DNAJC10: variants seen among roughly 807,000 people sequenced by gnomAD.
The protein encoded by DNAJC10 is DnaJ heat shock protein family (Hsp40) member C10.
Under a neutral mutation model 115.0 loss-of-function variants are expected in DNAJC10, and 101 were observed. The observed-to-expected ratio is 0.88, with a 90% CI of 0.75 to 1.04. The LOEUF is 1.04. DNAJC10 is among the 50% of genes least tolerant of loss of function. The pLI is 0.00. For missense variants in DNAJC10, 981 were observed against 928.8 expected (o/e 1.06, Z -0.73); for synonymous variants, 307 against 301.5 (o/e 1.02, Z -0.19).
intron 22 of DNAJC10, among the ~76,000 whole-genome samples, chr2:182,774,821 C>G (rs1356486406): frequency 6.6e-6 from 1 of 152,226 alleles, no homozygotes; most frequent in South Asian, 2.1e-4. Context: ...GACAACACCC[C>G]CCCCAATCCC....
intron 17 of DNAJC10, among the ~76,000 whole-genome samples, chr2:182,755,417 T>G (rs977139816): frequency 5.3e-5 from 8 of 150,914 alleles, no homozygotes; most frequent in African/African-American, 2.0e-4. Flanking sequence ...TGAAAACAAG[T>G]GTCTGGCATC....
intron 8 of DNAJC10, chr2:182,730,660 CTG>C: frequency 2.5e-6 from 1 of 394,470 alleles, no homozygotes; most frequent in Non-Finnish European, 4.9e-6. Context: ...TAGGAGATCA[CTG>C]TGTATTTGGG....
rs760578263 is a variant in DNAJC10, at chr2:182,780,112, C to CAT, written c.*2984_*2985dup. 3 of 152,094 alleles carry CAT rather than the reference C, an allele frequency of 2.0e-5. No individual in the cohort carries two copies. Among genetic ancestry groups the CAT allele is most frequent in the Non-Finnish European group, 4.4e-5 (3 of 68,028 alleles). 9.4% of individuals were successfully genotyped at this position (152,094 alleles called of 1,614,324 possible). On this transcript the variant is annotated 3_prime_UTR_variant, in exon 24 of 24. Coordinates refer to ENST00000264065, the MANE Select transcript of DNAJC10 (RefSeq NM_018981.4). Reference sequence around the variant, plus strand: ...CTTTCTGATAATATTCTACTTTACACATATACTGAAAACTTACTTACATAT... The same window carrying CAT: ...CTTTCTGATAATATTCTACTTTACACATATATACTGAAAACTTACTTACATAT...
chr2:182,716,865 G>C (rs994044582), intron 1 of DNAJC10, among the ~76,000 whole-genome samples, 151 bp from the exon 2 acceptor site: 12 of 152,160 alleles, frequency 7.9e-5, no homozygotes, highest in African/African-American at 2.7e-4. Context: ...CTCGGGCCAC[G>C]GGCAGTTCGG....
In DNAJC10 at chr2:182,750,931, C is replaced by T. The variant is rs539891116; in HGVS notation, c.1307-727C>T. ...GACTGTATTGTGTTTGACGTGTTTA[C>T]GTGATATCCAAGTACAGTTTTTCAC... On this transcript the variant is annotated intron_variant, in intron 14 of 23. Transcript: ENST00000264065. Among the ~76,000 whole-genome samples, 20 of 152,112 alleles carry T rather than the reference C, an allele frequency of 1.3e-4. No homozygotes were observed. The South Asian group carries it at 3.7e-3, about 28-fold the overall frequency.
intron 11 of DNAJC10, among the ~76,000 whole-genome samples, chr2:182,738,992 T>C (rs1403338965): frequency 6.6e-6 from 1 of 151,972 alleles, no homozygotes; most frequent in East Asian, 1.9e-4. Context: ...TCTAGTAGAT[T>C]AAGCACTGCA....
At chr2:182,731,995 C>T (rs1363645361) in intron 9 of DNAJC10, among the ~76,000 whole-genome samples, 2 of 152,090 alleles carry the variant, frequency 1.3e-5, no homozygotes, top group African/African-American at 2.4e-5. Flanking sequence ...TCTTTGTAGG[C>T]TCTGTGATGC....
chr2:182,769,018 C>A (rs1034787491), intron 22 of DNAJC10, among the ~76,000 whole-genome samples: 1 of 152,050 alleles, frequency 6.6e-6, no homozygotes, highest in African/African-American at 2.4e-5. Context: ...ATGTTCCCCC[C>A]ACTGTGTCCA....
chr2:182,730,743 A>G (rs1272857001), intron 8 of DNAJC10, among the ~76,000 whole-genome samples: 3 of 152,116 alleles, frequency 2.0e-5, no homozygotes, highest in East Asian at 3.8e-4. Context: ...GAAATATAAT[A>G]TAGCTGGCTA....
chr2:182,794,443 A>T lies in DNAJC10; in HGVS notation c.*17311A>T, dbSNP rs1363506967. On this transcript the variant is annotated 3_prime_UTR_variant, in exon 24 of 24. Coordinates refer to ENST00000264065, the MANE Select transcript of DNAJC10 (RefSeq NM_018981.4). ...TTTTTATAACATGTAGAAGTGAAAT[A>T]AACTTGTCACAAAAATGCAAATTGT... 6.6e-6 allele frequency: 1 copy of T among 152,202 alleles called. No individual in the cohort carries two copies. Among genetic ancestry groups the T allele is most frequent in the Non-Finnish European group, 1.5e-5 (1 of 68,038 alleles). 9.4% of individuals were successfully genotyped at this position (152,202 alleles called of 1,614,324 possible).
At chr2:182,738,537 G>GT (rs1402788684) in intron 11 of DNAJC10, among the ~76,000 whole-genome samples, 38 of 151,110 alleles carry the variant, frequency 2.5e-4, no homozygotes, top group Admixed American at 9.2e-4. Flanking sequence ...AAGCAGTCAG[G>GT]TTTTTTTTGG....
At chr2:182,764,285 G>T (rs1436824556) in intron 22 of DNAJC10, among the ~76,000 whole-genome samples, 3 of 152,102 alleles carry the variant, frequency 2.0e-5, no homozygotes, top group African/African-American at 4.8e-5. Flanking sequence ...TGAAATTCAT[G>T]GGTTACATTA....
chr2:182,776,671 G>A (rs74620010), intron 23 of DNAJC10, among the ~76,000 whole-genome samples: 5,407 of 152,188 alleles, frequency 0.036, 221 homozygotes, highest in African/African-American at 0.1. Flanking sequence ...TATTTTTTAC[G>A]AATCTGAAAG....
At chr2:182,729,964 CT>C (rs1693400165) in intron 8 of DNAJC10, 23 bp downstream of exon 8, 1 of 1,495,408 alleles carries the variant, frequency 6.7e-7, no homozygotes, top group African/African-American at 1.4e-5. Flanking sequence ...TCTTAATTTG[CT>C]TGATTTTCAG....
At chr2:182,774,848 C>T (rs1031837465) in intron 22 of DNAJC10, among the ~76,000 whole-genome samples, 3 of 152,212 alleles carry the variant, frequency 2.0e-5, no homozygotes, top group South Asian at 2.1e-4. Flanking sequence ...GGCGTCTTCT[C>T]GCCCTCTGTG....
rs1022124422 is a variant in DNAJC10 at position 182,777,298 on chromosome 2, A to G, written c.*166A>G. ...GCACTGGTGTAAAAGAAGGGTCTGCAAACTTTTTCTGTAAAGGGCCGGTTT... is the reference window on the plus strand; with the variant it reads ...GCACTGGTGTAAAAGAAGGGTCTGCGAACTTTTTCTGTAAAGGGCCGGTTT... On this transcript the variant is annotated 3_prime_UTR_variant, in exon 24 of 24. Transcript: ENST00000264065. 3 of 419,790 alleles carry G rather than the reference A, an allele frequency of 7.1e-6. No homozygotes were observed. Among genetic ancestry groups the G allele is most frequent in the African/African-American group, 6.2e-5 (3 of 48,772 alleles). 26.0% of individuals were successfully genotyped at this position (419,790 alleles called of 1,614,324 possible).
intron 19 of DNAJC10, 152 bp downstream of exon 19, chr2:182,757,977 G>A: frequency 1.9e-6 from 1 of 537,906 alleles, no homozygotes; most frequent in South Asian, 3.2e-5. Flanking sequence ...CATTTCAGAA[G>A]ATGAAAAGGG....
intron 5 of DNAJC10, among the ~76,000 whole-genome samples, 194 bp from the exon 6 acceptor site, chr2:182,728,381 GA>G (rs888932891): frequency 8.6e-5 from 13 of 151,802 alleles, no homozygotes; most frequent in African/African-American, 2.9e-4. Flanking sequence ...GTTTCTTGTG[GA>G]AAAAAAATTT....
chr2:182,727,431 T>G (rs1389147762), intron 5 of DNAJC10, among the ~76,000 whole-genome samples: 2 of 152,244 alleles, frequency 1.3e-5, no homozygotes, highest in Non-Finnish European at 1.5e-5. Flanking sequence ...TTAATTCTGT[T>G]AATATTTTTA....
Sources: allele counts gnomAD v4.1 joint callset (sites outside exome capture counted in the v4.1 genomes callset), GRCh38; gene constraint gnomAD v4.1.1; transcripts MANE v1.5; gene names NCBI Gene and HGNC (gene_info 2026-07-23, HGNC 2026-07-21).